Variants in EFNA5 observed in about 807,000 individuals in gnomAD.
EFNA5 encodes ephrin A5.
In EFNA5, 5 loss-of-function variants were observed where a neutral mutation model predicts 22.9. The observed-to-expected ratio is 0.22, with a 90% confidence interval of 0.11 to 0.46. The LOEUF (loss-of-function observed/expected upper bound fraction) is 0.46. EFNA5 is among the 20% of genes least tolerant of loss of function. The pLI is 0.99. For missense variants in EFNA5, 237 were observed against 293.3 expected, an observed-to-expected ratio of 0.81 and a Z score of 1.40; for synonymous variants, 113 against 112.2, an observed-to-expected ratio of 1.01 and a Z score of -0.04.
At chr5:107,434,552 A>G (rs1580449320) in intron 1 of EFNA5, among the ~76,000 whole-genome samples, 1 of 152,242 alleles carries the variant, frequency 6.6e-6, no homozygotes, top group Non-Finnish European at 1.5e-5. Flanking sequence ...GGTATGGTGC[A>G]TATTTAAAAT....
chr5:107,416,787 G>C (rs919773859), intron 2 of EFNA5, among the ~76,000 whole-genome samples: 3 of 152,062 alleles, frequency 2.0e-5, no homozygotes, highest in Non-Finnish European at 2.9e-5. Context: ...TAAAAAATTT[G>C]CCTGTTCACA....
At chr5:107,578,138 G>T (rs1748966251) in intron 1 of EFNA5, among the ~76,000 whole-genome samples, 1 of 152,188 alleles carries the variant, frequency 6.6e-6, no homozygotes, top group Admixed American at 6.5e-5. Context: ...TTGCCAGCCA[G>T]TCATTCCTCC....
At chr5:107,481,236 A>C (rs929209471) in intron 1 of EFNA5, among the ~76,000 whole-genome samples, 2 of 152,204 alleles carry the variant, frequency 1.3e-5, no homozygotes, top group Non-Finnish European at 2.9e-5. Flanking sequence ...AGAAGAGAGA[A>C]GAGAGGCTAC....
intron 1 of EFNA5, among the ~76,000 whole-genome samples, chr5:107,570,081 AC>A (rs1452303206): frequency 1.3e-5 from 2 of 152,146 alleles, no homozygotes; most frequent in African/African-American, 4.8e-5. Flanking sequence ...TCTGTTTAAC[AC>A]CAAACTCTGA....
intron 1 of EFNA5, among the ~76,000 whole-genome samples, chr5:107,523,653 C>A (rs757604243): frequency 1.3e-5 from 2 of 152,232 alleles, no homozygotes; most frequent in Non-Finnish European, 2.9e-5. Flanking sequence ...CATTCAGTTA[C>A]CCGAATTCTA....
intron 1 of EFNA5, among the ~76,000 whole-genome samples, chr5:107,659,632 G>C (rs1482652318): frequency 6.7e-6 from 1 of 150,322 alleles, no homozygotes; most frequent in Non-Finnish European, 1.5e-5. Flanking sequence ...TAAATGAAGT[G>C]ATTAGCTCTC....
At chr5:107,465,547 T>C (rs186029072) in intron 1 of EFNA5, among the ~76,000 whole-genome samples, 19 of 152,288 alleles carry the variant, frequency 1.2e-4, no homozygotes, top group Non-Finnish European at 2.2e-4. Context: ...ATGGTGATCA[T>C]GGAGTGATGA....
At chr5:107,604,732 T>C (rs1159354063) in intron 1 of EFNA5, among the ~76,000 whole-genome samples, 4 of 152,178 alleles carry the variant, frequency 2.6e-5, no homozygotes, top group East Asian at 3.8e-4. Context: ...AGAGGCAGAA[T>C]GTCAGTGGCA....
chr5:107,419,026 C>T (rs1323258192), intron 2 of EFNA5, among the ~76,000 whole-genome samples: 1 of 152,202 alleles, frequency 6.6e-6, no homozygotes, highest in Admixed American at 6.5e-5. Flanking sequence ...GCCTCCTCCA[C>T]CTTTGATTTC....
intron 1 of EFNA5, among the ~76,000 whole-genome samples, chr5:107,430,767 TTTC>T (rs1748928881): frequency 1.5e-4 from 7 of 45,954 alleles, no homozygotes; most frequent in East Asian, 6.9e-4. Flanking sequence ...TTATTATTTC[TTTC>T]TTTCTTTTTT....
chr5:107,532,688 C>T (rs1192991784), intron 1 of EFNA5, among the ~76,000 whole-genome samples: 1 of 152,200 alleles, frequency 6.6e-6, no homozygotes, highest in Admixed American at 6.5e-5. Flanking sequence ...GAAGGCTGGG[C>T]ACCAGAGTGA....
chr5:107,436,695 C>A (rs756040193), intron 1 of EFNA5, among the ~76,000 whole-genome samples: 5 of 152,064 alleles, frequency 3.3e-5, no homozygotes, highest in South Asian at 4.2e-4. Flanking sequence ...ACACACAGAC[C>A]CAGCAAAAGG....
intron 1 of EFNA5, among the ~76,000 whole-genome samples, chr5:107,547,009 T>C (rs1211796207): frequency 6.6e-6 from 1 of 152,130 alleles, no homozygotes; most frequent in Non-Finnish European, 1.5e-5. Flanking sequence ...TCTGCAATGA[T>C]GGATGGAAGT....
At chr5:107,461,633 C>A (rs983207613) in intron 1 of EFNA5, among the ~76,000 whole-genome samples, 1 of 152,110 alleles carries the variant, frequency 6.6e-6, no homozygotes, top group African/African-American at 2.4e-5. Flanking sequence ...AGCATTGCTT[C>A]TGTAGGTCAA....
intron 1 of EFNA5, among the ~76,000 whole-genome samples, chr5:107,453,473 T>G (rs973214287): frequency 3.9e-5 from 6 of 152,214 alleles, no homozygotes; most frequent in African/African-American, 1.4e-4. Flanking sequence ...CTCTTTCTTA[T>G]GCACTCTATG....
In EFNA5 at chr5:107,437,130, G is replaced by A. The variant is rs138662372; in HGVS notation, c.126-9621C>T. Among the ~76,000 whole-genome samples the A allele has an allele frequency of 6.0e-4, 91 of 152,218 alleles. No homozygotes were observed. The East Asian group carries it at 0.016, about 26-fold the overall frequency. The stretch of plus-strand genomic sequence containing the variant: ...ACACTTTTAAAAAATTGAGATATCT[G>A]ATAATTAATCTGTTAATTTATTAAA... On this transcript the variant is annotated intron_variant, in intron 1 of 4. Coordinates refer to ENST00000333274, the MANE Select transcript of EFNA5 (RefSeq NM_001962.3).
At chr5:107,430,354 A>G (rs1215216473) in intron 1 of EFNA5, among the ~76,000 whole-genome samples, 1 of 152,064 alleles carries the variant, frequency 6.6e-6, no homozygotes, top group South Asian at 2.1e-4. Flanking sequence ...ACTTTATATT[A>G]TTATATTATT....
At chr5:107,482,870 C>CTCTCTATA (rs1328872977) in intron 1 of EFNA5, among the ~76,000 whole-genome samples, 2 of 59,112 alleles carry the variant, frequency 3.4e-5, no homozygotes, top group Admixed American at 1.7e-4. Context: ...CTCTCTCTCT[C>CTCTCTATA]TATATATATA....
chr5:107,577,705 A>G (rs956139023), intron 1 of EFNA5, among the ~76,000 whole-genome samples: 3 of 152,162 alleles, frequency 2.0e-5, no homozygotes, highest in African/African-American at 7.2e-5. Flanking sequence ...GAGAACTGTG[A>G]AAGGAGAGAT....
Sources: allele counts gnomAD v4.1 joint callset (sites outside exome capture counted in the v4.1 genomes callset), GRCh38; gene constraint gnomAD v4.1.1; transcripts MANE v1.5; gene names NCBI Gene and HGNC (gene_info 2026-07-23, HGNC 2026-07-21).